RANBP2: variants seen among roughly 807,000 people sequenced by gnomAD.
RANBP2 encodes the protein RAN binding protein 2.
A neutral mutation model predicts 303.6 loss-of-function variants in RANBP2; 57 were observed. The ratio of observed to expected loss-of-function variants is 0.19; its 90% CI spans 0.15 to 0.23. RANBP2 has a LOEUF of 0.23. Among genes scored for constraint, RANBP2 ranks in the 10% least tolerant of loss-of-function variants. The probability of loss-of-function intolerance (pLI) is 1.00; values close to 1 mark genes in which losing one functional copy is unlikely to be tolerated. For synonymous variants in RANBP2, 1,167 were observed against 1,301.5 expected, an observed-to-expected ratio of 0.90 and a Z score of 2.23; for missense variants, 3,138 against 3,780.8, an observed-to-expected ratio of 0.83 and a Z score of 4.46.
the RANBP2 span, among the ~76,000 whole-genome samples, chr2:109,292,233 T>C: frequency 2.6e-5 from 4 of 152,240 alleles, no homozygotes; most frequent in Non-Finnish European, 4.4e-5. Context: ...AAATTTGTAA[T>C]GTATAAATGT....
At chr2:109,488,985 T>G in the RANBP2 span, among the ~76,000 whole-genome samples, 1 of 152,112 alleles carries the variant, frequency 6.6e-6, no homozygotes, top group African/African-American at 2.4e-5. Flanking sequence ...GAACTCCCCA[T>G]GGACTGTCAG....
At chr2:109,574,628 A>C in the RANBP2 span, 1 of 1,605,094 alleles carries the variant, frequency 6.2e-7, no homozygotes. Context: ...GTCTTCAGAG[A>C]GTGGCCTGTC....
chr2:109,666,977 T>A, the RANBP2 span, among the ~76,000 whole-genome samples: 1 of 152,172 alleles, frequency 6.6e-6, no homozygotes, highest in African/African-American at 2.4e-5. Flanking sequence ...CAGTCCATAT[T>A]TGATGGATGA....
At chr2:109,174,972 T>G in the RANBP2 span, among the ~76,000 whole-genome samples, 1 of 152,084 alleles carries the variant, frequency 6.6e-6, no homozygotes, top group African/African-American at 2.4e-5. Context: ...ATTTAAAGAG[T>G]GATTTATACC....
chr2:109,082,987 G>C, the RANBP2 span, among the ~76,000 whole-genome samples: 1 of 151,780 alleles, frequency 6.6e-6, no homozygotes, highest in African/African-American at 2.4e-5. Flanking sequence ...CACCATACCT[G>C]GCTAATTTTT....
chr2:109,066,098 C>T, the RANBP2 span, among the ~76,000 whole-genome samples: 2 of 151,486 alleles, frequency 1.3e-5, no homozygotes, highest in African/African-American at 4.9e-5. Context: ...CCACCATGCC[C>T]GGCTAATTCT....
At chr2:108,960,357 G>A in the RANBP2 span, among the ~76,000 whole-genome samples, 1 of 152,354 alleles carries the variant, frequency 6.6e-6, no homozygotes, top group African/African-American at 2.4e-5. Flanking sequence ...GTGGAGGGTG[G>A]TCTATGTTCT....
chr2:109,526,380 T>C, the RANBP2 span, among the ~76,000 whole-genome samples: 1 of 152,168 alleles, frequency 6.6e-6, no homozygotes, highest in Non-Finnish European at 1.5e-5. Context: ...TGATCTCAGC[T>C]CGCTGCAACC....
At chr2:109,567,861 A>G in the RANBP2 span, 2 of 1,613,264 alleles carry the variant, frequency 1.2e-6, no homozygotes, top group Non-Finnish European at 1.7e-6. Context: ...ATCCGTTGGG[A>G]ACTGGTATAT....
the RANBP2 span, among the ~76,000 whole-genome samples, chr2:109,007,963 C>T: frequency 6.6e-6 from 1 of 152,130 alleles, no homozygotes; most frequent in Non-Finnish European, 1.5e-5. Context: ...GGTAAGCCGA[C>T]CATAGCAGGA....
chr2:109,564,327 ACTTCCTCTTTGGTTGG>A, the RANBP2 span: 17 of 1,477,522 alleles, frequency 1.2e-5, no homozygotes, highest in Non-Finnish European at 1.5e-5. Context: ...ATCCTCTCTA[ACTTCCTCTTTGGTTGG>A]CTTCCCAAGA....
chr2:108,762,251 G>A, intron 19 of RANBP2, 56 bp downstream of exon 19: 1 of 1,461,162 alleles, frequency 6.8e-7, no homozygotes, highest in Non-Finnish European at 9.0e-7. Flanking sequence ...ATTGTTTAGG[G>A]TTCCTTCAAA....
the RANBP2 span, among the ~76,000 whole-genome samples, chr2:109,176,037 C>G: frequency 2.6e-5 from 4 of 151,994 alleles, no homozygotes; most frequent in African/African-American, 4.9e-5. Context: ...CCTTGAGACT[C>G]TGTCTTCACT....
chr2:109,162,588 G>A, the RANBP2 span, among the ~76,000 whole-genome samples: 1 of 152,114 alleles, frequency 6.6e-6, no homozygotes, highest in Non-Finnish European at 1.5e-5. Flanking sequence ...AGTATTCCAT[G>A]GTGTATATGT....
At chr2:108,904,464 T>G in the RANBP2 span, among the ~76,000 whole-genome samples, 1 of 152,238 alleles carries the variant, frequency 6.6e-6, no homozygotes, top group African/African-American at 2.4e-5. Flanking sequence ...CTCCTGGGTC[T>G]TTATCCCAGA....
chr2:109,177,066 A>G, the RANBP2 span, among the ~76,000 whole-genome samples: 1 of 152,190 alleles, frequency 6.6e-6, no homozygotes, highest in Non-Finnish European at 1.5e-5. Flanking sequence ...TTACATTTAA[A>G]TGTTCCAGAG....
the RANBP2 span, among the ~76,000 whole-genome samples, chr2:108,850,992 G>A: frequency 2.0e-5 from 3 of 152,132 alleles, no homozygotes; most frequent in South Asian, 2.1e-4. Flanking sequence ...AGGCTGCCTC[G>A]TGCCACACCA....
the RANBP2 span, among the ~76,000 whole-genome samples, chr2:108,935,140 C>T: frequency 1.1e-4 from 16 of 152,210 alleles, no homozygotes; most frequent in Admixed American, 1.0e-3. Context: ...GTCTGCCACT[C>T]CTGCCTGAAT....
the RANBP2 span, among the ~76,000 whole-genome samples, chr2:109,361,011 T>C: frequency 2.0e-5 from 3 of 152,344 alleles, no homozygotes. Flanking sequence ...CTATTTGTAG[T>C]TTACTGAGAG....
Sources: gnomAD v4.1 joint callset for allele counts (sites outside exome capture counted in the v4.1 genomes callset) on GRCh38, gnomAD v4.1.1 for gene constraint, MANE v1.5 for transcripts, NCBI Gene and HGNC (gene_info 2026-07-23, HGNC 2026-07-21) for gene names.